The following TENM1 variants were observed in gnomAD, a reference collection of about 807,000 sequenced individuals.
TENM1 encodes teneurin-1.
Under a neutral mutation model 174.8 loss-of-function variants are expected in TENM1, and 35 were observed. The ratio of observed to expected loss-of-function variants is 0.20; its 90% CI spans 0.15 to 0.27. The LOEUF (loss-of-function observed/expected upper bound fraction) is 0.27. Among genes scored for constraint, TENM1 ranks in the 10% least tolerant of loss-of-function variants. TENM1 has a pLI of 1.00. For missense variants in TENM1, 1,633 were observed against 2,130.1 expected, an observed-to-expected ratio of 0.77 and a Z score of 4.59; for synonymous variants, 781 against 798.7, an observed-to-expected ratio of 0.98 and a Z score of 0.37.
intron 25 of TENM1, among the ~76,000 whole-genome samples, chrX:124,410,058 C>T (rs1193766139): frequency 9.1e-6 from 1 of 110,386 alleles, no homozygotes; most frequent in Non-Finnish European, 1.9e-5. Context: ...GCCCACATCG[C>T]CAAGTCAATC....
the TENM1 span, among the ~76,000 whole-genome samples, chrX:125,078,620 T>A: frequency 9.0e-6 from 1 of 111,539 alleles, no homozygotes; most frequent in Non-Finnish European, 1.9e-5. Context: ...GCAGGTTCCA[T>A]TTATTAAAAT....
chrX:125,011,759 C>T, the TENM1 span, among the ~76,000 whole-genome samples: 5 of 111,614 alleles, frequency 4.5e-5, no homozygotes, highest in Non-Finnish European at 3.8e-5. Flanking sequence ...TTAGTTTAAC[C>T]ACCGTGGAAG....
chrX:124,962,755 T>G (rs1224101663), intron 1 of TENM1, among the ~76,000 whole-genome samples: 5 of 110,286 alleles, frequency 4.5e-5, no homozygotes, highest in East Asian at 2.9e-4. Flanking sequence ...GAGGTGGAGG[T>G]TGCAGTAAGC....
At chrX:124,546,760 A>C in intron 15 of TENM1, 114 bp downstream of exon 18, 3 of 637,301 alleles carry the variant, frequency 4.7e-6, no homozygotes, top group Non-Finnish European at 7.3e-6. Context: ...AAAAGAAATG[A>C]ACGTGGATTA....
chrX:124,761,348 G>A (rs1202825824), intron 3 of TENM1, among the ~76,000 whole-genome samples: 13 of 110,312 alleles, frequency 1.2e-4, no homozygotes, highest in Non-Finnish European at 2.5e-4. Flanking sequence ...ATACACCATG[G>A]AATATTATGT....
chrX:124,925,533 G>C (rs1205624103), intron 1 of TENM1, among the ~76,000 whole-genome samples: 3 of 112,143 alleles, frequency 2.7e-5, no homozygotes, highest in South Asian at 3.7e-4. Flanking sequence ...GTTTGTGTGT[G>C]CTGCACTGAA....
At chrX:124,500,340 T>A (rs1316293974) in intron 19 of TENM1, among the ~76,000 whole-genome samples, 1 of 112,231 alleles carries the variant, frequency 8.9e-6, no homozygotes, top group East Asian at 2.8e-4. Flanking sequence ...GTTTCAAGAA[T>A]CTGTTTAACC....
intron 1 of TENM1, among the ~76,000 whole-genome samples, chrX:124,931,734 C>T (rs748043623): frequency 9.0e-5 from 10 of 110,840 alleles, no homozygotes; most frequent in Admixed American, 1.9e-4. Context: ...CTGTGGCCTA[C>T]GCTGGAGAAA....
chrX:124,387,511 G>A (rs192927031), intron 28 of TENM1, among the ~76,000 whole-genome samples: 306 of 112,055 alleles, frequency 2.7e-3, no homozygotes, highest in African/African-American at 9.3e-3. Flanking sequence ...ATTTATTCAA[G>A]TTTGTGTTAT....
chrX:124,870,012 G>A (rs1669569991), intron 3 of TENM1, among the ~76,000 whole-genome samples: 1 of 111,586 alleles, frequency 9.0e-6, no homozygotes, highest in Admixed American at 9.5e-5. Context: ...ATAAATGCTT[G>A]AGGGGATGGA....
chrX:124,658,859 G>A (rs2051517838), intron 6 of TENM1, among the ~76,000 whole-genome samples: 1 of 111,855 alleles, frequency 8.9e-6, no homozygotes, highest in Admixed American at 9.5e-5. Flanking sequence ...CTTATTTTGA[G>A]TTGCATTTTG....
chrX:124,950,501 C>A (rs940987893), intron 1 of TENM1, among the ~76,000 whole-genome samples: 1 of 111,650 alleles, frequency 9.0e-6, no homozygotes, highest in Non-Finnish European at 1.9e-5. Flanking sequence ...TTTCCTGATG[C>A]CTTCAAAATC....
chrX:124,580,242 A>T (rs1456385882), intron 11 of TENM1, among the ~76,000 whole-genome samples: 1 of 111,464 alleles, frequency 9.0e-6, no homozygotes, highest in Admixed American at 9.6e-5. Flanking sequence ...AAGAAAATGT[A>T]GTATATATAC....
At position 124,784,743 on chromosome X, in the gene TENM1, T is replaced by C. The variant is rs982272537; in HGVS notation, c.536-47546A>G. Among the ~76,000 whole-genome samples the C allele has an allele frequency of 2.7e-5, 3 of 111,395 alleles. No individual in the cohort carries two copies. In the Admixed American group the frequency reaches 2.9e-4, roughly 11 times the overall value. ...TCATGATCAGAAGTATGGCCCTTTC[T>C]GGTCACATACAGAGGGAAGGAGAGT... On this transcript the variant is annotated intron_variant, in intron 3 of 31. Coordinates refer to ENST00000422452, the Ensembl canonical transcript of TENM1.
Position 124,385,668 on chromosome X carries a change from A to G in TENM1, c.6076+9T>C. 2 of 1,182,556 alleles carry G rather than the reference A, an allele frequency of 1.7e-6. No homozygotes were observed. The highest frequency in any genetic ancestry group is 2.3e-6 in the Non-Finnish European group (2 of 877,569). ...TTGTTGTACACACCACCACTCTTTCACAACAAACCTGTTTGCCTGTATCTG... is the reference window on the plus strand; with the variant it reads ...TTGTTGTACACACCACCACTCTTTCGCAACAAACCTGTTTGCCTGTATCTG... On this transcript the variant is annotated intron_variant, in intron 29 of 31. Coordinates refer to ENST00000422452, the Ensembl canonical transcript of TENM1.
chrX:124,544,330 T>C (rs918709624), intron 15 of TENM1, among the ~76,000 whole-genome samples: 1 of 112,253 alleles, frequency 8.9e-6, no homozygotes, highest in Non-Finnish European at 1.9e-5. Flanking sequence ...GGGTTCGAAA[T>C]CTGACTGACA....
chrX:124,827,342 C>A (rs1603233014), intron 3 of TENM1, among the ~76,000 whole-genome samples: 2 of 112,020 alleles, frequency 1.8e-5, no homozygotes, highest in African/African-American at 6.5e-5. Context: ...AGTCACTGCG[C>A]CCAGTTGGTT....
intron 6 of TENM1, among the ~76,000 whole-genome samples, chrX:124,658,629 A>C (rs757779870): frequency 8.1e-4 from 91 of 112,036 alleles, no homozygotes; most frequent in African/African-American, 2.7e-3. Flanking sequence ...TTTGTAAATA[A>C]AATCCTCTGA....
the TENM1 span, among the ~76,000 whole-genome samples, chrX:125,154,068 T>G: frequency 8.9e-6 from 1 of 112,273 alleles, no homozygotes; most frequent in South Asian, 3.7e-4. Context: ...GCTTCATACA[T>G]AACTCAATTG....
Sources: gnomAD v4.1 joint callset for allele counts (sites outside exome capture counted in the v4.1 genomes callset) on GRCh38, gnomAD v4.1.1 for gene constraint, MANE v1.5 for transcripts, NCBI Gene and HGNC (gene_info 2026-07-23, HGNC 2026-07-21) for gene names.